CCDC68: variants seen among roughly 807,000 people sequenced by gnomAD.
CCDC68 encodes the protein coiled-coil domain containing 68.
CCDC68 carries 45 observed loss-of-function variants against 47.1 expected under a neutral mutation model. That is an observed-to-expected ratio of 0.96 (90% CI 0.75 to 1.23). The LOEUF (loss-of-function observed/expected upper bound fraction) is 1.23, where lower values mean the gene tolerates loss of function less well. Among genes scored for constraint, CCDC68 ranks in the 50% most tolerant of loss-of-function variants. The pLI is 0.00. For synonymous variants in CCDC68, 131 were observed against 129.5 expected (o/e 1.01, Z -0.08); for missense variants, 353 against 373.6 (o/e 0.94, Z 0.45).
intron 11 of CCDC68, among the ~76,000 whole-genome samples, chr18:54,906,037 C>T (rs549570027): frequency 6.6e-5 from 10 of 152,290 alleles, no homozygotes; most frequent in African/African-American, 2.4e-4. Context: ...AGGGCTCCCA[C>T]TGATTCTACA....
At chr18:54,925,187 C>G (rs907110131) in intron 8 of CCDC68, among the ~76,000 whole-genome samples, 1 of 152,172 alleles carries the variant, frequency 6.6e-6, no homozygotes, top group South Asian at 2.1e-4. Flanking sequence ...TCAGTGATCC[C>G]CTGTGAGCAA....
At chr18:54,956,759 C>A (rs1021382153) in intron 1 of CCDC68, among the ~76,000 whole-genome samples, 7 of 152,072 alleles carry the variant, frequency 4.6e-5, no homozygotes, top group Non-Finnish European at 7.4e-5. Flanking sequence ...GGGGTAAGAA[C>A]GGTGAGTGAT....
intron 4 of CCDC68, among the ~76,000 whole-genome samples, chr18:54,940,674 T>C (rs1230488458): frequency 6.6e-6 from 1 of 152,250 alleles, no homozygotes; most frequent in African/African-American, 2.4e-5. Context: ...TATGTGTCTA[T>C]TCATGTGGCC....
chr18:54,934,798 C>A, intron 7 of CCDC68, 22 bp downstream of exon 7: 1 of 1,413,958 alleles, frequency 7.1e-7, no homozygotes. Flanking sequence ...TAAGAAAATC[C>A]TCTAATTCTC....
At chr18:54,936,173 T>A (rs1303069649) in intron 6 of CCDC68, among the ~76,000 whole-genome samples, 2 of 145,426 alleles carry the variant, frequency 1.4e-5, no homozygotes, top group Non-Finnish European at 3.0e-5. Flanking sequence ...TTAGATATTA[T>A]AATTATATAG....
intron 1 of CCDC68, among the ~76,000 whole-genome samples, chr18:54,952,838 C>A (rs1306557695): frequency 1.3e-5 from 2 of 152,120 alleles, no homozygotes. Context: ...CATGGCGAAA[C>A]CCCATCTCTA....
intron 1 of CCDC68, among the ~76,000 whole-genome samples, chr18:54,953,866 C>G (rs938561419): frequency 6.6e-6 from 1 of 152,102 alleles, no homozygotes; most frequent in Non-Finnish European, 1.5e-5. Flanking sequence ...TAATAGCTTT[C>G]TAGATGCACA....
intron 2 of CCDC68, among the ~76,000 whole-genome samples, chr18:54,945,112 T>C (rs192914857): frequency 1.0e-3 from 157 of 152,302 alleles, no homozygotes; most frequent in African/African-American, 3.6e-3. Flanking sequence ...TGTGTTACAT[T>C]TGGAACTGCT....
intron 10 of CCDC68, among the ~76,000 whole-genome samples, chr18:54,915,020 T>C (rs1374038553): frequency 6.6e-6 from 1 of 152,204 alleles, no homozygotes; most frequent in Non-Finnish European, 1.5e-5. Context: ...GTAGTACCAC[T>C]GACACATTGA....
chr18:54,953,404 C>T (rs2044651693), intron 1 of CCDC68, among the ~76,000 whole-genome samples: 1 of 152,070 alleles, frequency 6.6e-6, no homozygotes, highest in African/African-American at 2.4e-5. Context: ...ATCCAAGAAC[C>T]TTCACTGATT....
chr18:54,907,125 T>C (rs1914057269), intron 11 of CCDC68, among the ~76,000 whole-genome samples: 1 of 152,202 alleles, frequency 6.6e-6, no homozygotes, highest in Admixed American at 6.5e-5. Context: ...AGACTATGTT[T>C]TCTTTTAAAT....
intron 7 of CCDC68, among the ~76,000 whole-genome samples, chr18:54,934,346 T>C (rs779531335): frequency 3.9e-4 from 59 of 152,374 alleles, no homozygotes; most frequent in South Asian, 8.3e-4. Flanking sequence ...ATTTTCTTAA[T>C]GTGAACTGTA....
At chr18:54,950,599 T>C (rs867966725) in intron 1 of CCDC68, among the ~76,000 whole-genome samples, 29 of 152,186 alleles carry the variant, frequency 1.9e-4, no homozygotes, top group Non-Finnish European at 3.5e-4. Flanking sequence ...TACACATATA[T>C]TATAGCCAGT....
At chr18:54,937,903 T>C (rs2044374640) in intron 5 of CCDC68, 54 bp downstream of exon 5, 2 of 1,523,524 alleles carry the variant, frequency 1.3e-6, no homozygotes, top group African/African-American at 2.8e-5. Context: ...TAACAACCCA[T>C]TCTATTAGCT....
intron 8 of CCDC68, among the ~76,000 whole-genome samples, chr18:54,927,330 A>C (rs74752479): frequency 0.013 from 2,050 of 152,318 alleles, 42 homozygotes; most frequent in African/African-American, 0.041. Context: ...TTAAAGAATT[A>C]TTTATAACAA....
At chr18:54,917,731 C>T (rs138250265) in intron 10 of CCDC68, among the ~76,000 whole-genome samples, 182 bp downstream of exon 10, 89 of 152,110 alleles carry the variant, frequency 5.9e-4, no homozygotes, top group African/African-American at 2.0e-3. Context: ...CACAGTCACA[C>T]AGACACTCAT....
In CCDC68 at chr18:54,901,949, C is replaced by T. The variant is rs1025146759; in HGVS notation, c.*2409G>A. 1 of 151,132 alleles carries T rather than the reference C, an allele frequency of 6.6e-6. No individual in the cohort carries two copies. Among genetic ancestry groups the T allele is most frequent in the African/African-American group, 2.4e-5 (1 of 41,028 alleles). The allele number at this position is 151,132 out of a possible 1,614,324, so 9.4% of individuals were successfully genotyped here. Reference sequence around the variant, plus strand: ...ATTTTATGATAGTGGATATAGGAAACAATCCATACATGACGAATAAATGAT... The same window carrying T: ...ATTTTATGATAGTGGATATAGGAAATAATCCATACATGACGAATAAATGAT... On this transcript the variant is annotated 3_prime_UTR_variant, in exon 12 of 12. Transcript: ENST00000591504.
chr18:54,921,617 C>T (rs774380441), intron 8 of CCDC68, among the ~76,000 whole-genome samples: 51 of 152,274 alleles, frequency 3.3e-4, no homozygotes, highest in Admixed American at 4.6e-4. Flanking sequence ...AAAGAGAAGA[C>T]ACAAAATGAC....
intron 1 of CCDC68, among the ~76,000 whole-genome samples, chr18:54,958,987 G>A (rs904541988): frequency 1.3e-5 from 2 of 152,198 alleles, no homozygotes; most frequent in Non-Finnish European, 2.9e-5. Flanking sequence ...TTTCTCCATA[G>A]CCTCTGAAAT....
Sources: gnomAD v4.1 joint callset for allele counts (sites outside exome capture counted in the v4.1 genomes callset) on GRCh38, gnomAD v4.1.1 for gene constraint, MANE v1.5 for transcripts, NCBI Gene and HGNC (gene_info 2026-07-23, HGNC 2026-07-21) for gene names.